MPDZ: variants seen among roughly 807,000 people sequenced by gnomAD.
MPDZ encodes multiple PDZ domain protein.
Under a neutral mutation model 239.1 loss-of-function variants are expected in MPDZ, and 234 were observed. The observed-to-expected ratio is 0.98, with a 90% CI of 0.88 to 1.09. The LOEUF (loss-of-function observed/expected upper bound fraction) is 1.09. Ranked by LOEUF, MPDZ falls within the 50% of genes least tolerant of loss-of-function variation. The pLI, the probability that MPDZ is intolerant of heterozygous loss-of-function variation, is 0.00. For missense variants in MPDZ, 3,175 were observed against 2,510.0 expected (o/e 1.26, Z -5.66); for synonymous variants, 1,048 against 881.3 (o/e 1.19, Z -3.35).
At chr9:13,201,331 CT>C (rs2135486912) in intron 12 of MPDZ, among the ~76,000 whole-genome samples, 1 of 151,646 alleles carries the variant, frequency 6.6e-6, no homozygotes, top group Non-Finnish European at 1.5e-5. Flanking sequence ...TGTGGTGTTT[CT>C]TTTCTCTTGA....
chr9:13,186,148 G>A, intron 18 of MPDZ, 122 bp downstream of exon 18: 1 of 477,508 alleles, frequency 2.1e-6, no homozygotes, highest in Non-Finnish European at 3.5e-6. Flanking sequence ...GAGAAAACAT[G>A]TTTATCTTTC....
intron 23 of MPDZ, among the ~76,000 whole-genome samples, chr9:13,161,919 C>T (rs1295345339): frequency 1.3e-5 from 2 of 152,076 alleles, no homozygotes; most frequent in African/African-American, 4.8e-5. Flanking sequence ...TGCATATATG[C>T]TAACGGGTTC....
intron 39 of MPDZ, among the ~76,000 whole-genome samples, chr9:13,117,901 A>C (rs913657953): frequency 2.0e-5 from 3 of 150,214 alleles, no homozygotes; most frequent in African/African-American, 7.4e-5. Context: ...TTGGACTGCA[A>C]TGATGCGATC....
chr9:13,244,952 G>C (rs1410131236), intron 3 of MPDZ, among the ~76,000 whole-genome samples: 1 of 151,958 alleles, frequency 6.6e-6, no homozygotes, highest in Non-Finnish European at 1.5e-5. Context: ...TCAGAGGGTC[G>C]TATTTTCTAA....
Position 13,123,259 on chromosome 9 carries a change from T to C in MPDZ, c.4847A>G (p.Asp1616Gly). 5 of 1,612,996 alleles carry C rather than the reference T, an allele frequency of 3.1e-6. No homozygotes were observed. Among genetic ancestry groups the C allele is most frequent in the Non-Finnish European group, 2.5e-6 (3 of 1,179,578 alleles). Residue 1616 changes from aspartate (D) to glycine (G), a missense_variant, in exon 36 of 47, where the codon GAT becomes GGT. By Grantham distance (94) the Asp-to-Gly change is moderately conservative (BLOSUM62 -1). Transcript: ENST00000319217. ...AGGGATAATGGGGCAGGTTGCAGGA[T>C]CAGAAGCAAAAATTGCTGGTGTTGA... ...RSSTPAIFAS[D>G]PATCPIIPGC... is the part of the protein sequence containing the mutation.
chr9:13,274,554 A>G (rs1160997991), intron 1 of MPDZ: 1 of 151,950 alleles, frequency 6.6e-6, no homozygotes, highest in African/African-American at 2.4e-5. Context: ...TTAGCTGGCC[A>G]GATTGGGAAG....
intron 41 of MPDZ, among the ~76,000 whole-genome samples, chr9:13,113,727 A>G (rs1243285442): frequency 6.6e-6 from 1 of 152,236 alleles, no homozygotes; most frequent in Non-Finnish European, 1.5e-5. Context: ...TGTTTAGTGT[A>G]TCTTGTAGGG....
intron 40 of MPDZ, among the ~76,000 whole-genome samples, 197 bp downstream of exon 40, chr9:13,115,051 C>G (rs1464845075): frequency 6.6e-6 from 1 of 152,152 alleles, no homozygotes; most frequent in Non-Finnish European, 1.5e-5. Flanking sequence ...GAATGACTTA[C>G]AAACTACTCA....
In MPDZ at chr9:13,150,518, ATTCTATCTCCAGGTTTCAAGG is replaced by A; in HGVS notation, c.3602_3622del (p.Thr1201_Arg1207del). Reference sequence around the variant, plus strand: ...AAGCTCACTAGAGGGTACCTCTACGATTCTATCTCCAGGTTTCAAGGTTCCATTTTTGCCAGCTGGACTATC... The same window carrying A: ...AAGCTCACTAGAGGGTACCTCTACGATTCCATTTTTGCCAGCTGGACTATC... On this transcript the variant is annotated inframe_deletion, in exon 25 of 47. Coordinates refer to ENST00000319217, the MANE Select transcript of MPDZ (RefSeq NM_001378778.1). 1 of 1,561,808 alleles carries A rather than the reference ATTCTATCTCCAGGTTTCAAGG, an allele frequency of 6.4e-7. No individual in the cohort carries two copies. Among genetic ancestry groups the A allele is most frequent in the Non-Finnish European group, 8.7e-7 (1 of 1,152,154 alleles).
At chr9:13,167,967 G>T (rs986448983) in intron 22 of MPDZ, among the ~76,000 whole-genome samples, 1 of 152,028 alleles carries the variant, frequency 6.6e-6, no homozygotes, top group Non-Finnish European at 1.5e-5. Flanking sequence ...GGCCCTTAAA[G>T]AACTGTCTTA....
Position 13,193,241 on chromosome 9 carries a change from A to G in MPDZ, c.1729T>C (p.Phe577Leu), listed in dbSNP as rs1955190214. ...ISLEATVGHH[F>L]IRSVLPEGPV... ...CCCTCTGGTAGAACAGATCGGATAA[A>G]ATGATGTCCCACTGTCGCTTCCAGG... Residue 577 changes from phenylalanine to leucine, a missense_variant, in exon 14 of 47, where the codon TTT (phenylalanine) becomes CTT (leucine). Transcript: ENST00000319217. 1.2e-6 allele frequency: 2 copies of G among 1,612,644 alleles called. No homozygotes were observed. Among genetic ancestry groups the G allele is most frequent in the East Asian group, 4.5e-5 (2 of 44,788 alleles).
Position 13,219,560 on chromosome 9 carries a change from C to G in MPDZ, c.1085G>C (p.Arg362Pro), listed in dbSNP as rs777349702. Residue 362 changes from arginine to proline, a missense_variant and splice_region_variant, in exon 8 of 47, where the codon CGG becomes CCG. Coordinates refer to ENST00000319217, the MANE Select transcript of MPDZ (RefSeq NM_001378778.1). The part of the protein sequence containing the change: ...SSSPTSTPEL[R>P]VDASTQKGEE... ...CATTAACTACTCTTAACTACTTACC[C>G]GCAACTCTGGTGTTGAAGTTGGGGA... 5.6e-5 allele frequency: 90 copies of G among 1,610,948 alleles called. No homozygotes were observed. The highest frequency in any genetic ancestry group is 7.3e-5 in the Non-Finnish European group (86 of 1,178,330).
Position 13,190,229 on chromosome 9 carries a change from G to A in MPDZ, c.2039C>T (p.Ala680Val), listed in dbSNP as rs370396750. The change falls in exon 16 of 47, where the codon GCG (alanine) becomes GTG (valine). Residue 680 changes from alanine to valine, a missense_variant. By Grantham distance (64) the Ala-to-Val change is moderately conservative (BLOSUM62 0). Coordinates refer to ENST00000319217, the MANE Select transcript of MPDZ (RefSeq NM_001378778.1). ...TTGAACCTCTTCTGTACTCTGACCC[G>A]CATCAGTCATCGCCAGCACTGGATC... Reference protein sequence around the residue: ...TEDPVLAMTDAGQSTEEVQAP... With the variant: ...TEDPVLAMTDVGQSTEEVQAP... The A allele has an allele frequency of 2.3e-5, 37 of 1,612,118 alleles. No homozygotes were observed. In the Middle Eastern group the frequency reaches 4.9e-4, roughly 22 times the overall value.
intron 3 of MPDZ, among the ~76,000 whole-genome samples, chr9:13,241,191 G>A (rs1178878870): frequency 6.6e-6 from 1 of 152,088 alleles, no homozygotes; most frequent in African/African-American, 2.4e-5. Flanking sequence ...AAACTTTACG[G>A]TAAATGTAAA....
chr9:13,235,937 C>T (rs1203380622), intron 3 of MPDZ, among the ~76,000 whole-genome samples: 1 of 151,898 alleles, frequency 6.6e-6, no homozygotes, highest in Non-Finnish European at 1.5e-5. Context: ...CAATAACCTA[C>T]CCAGTGTAAC....
At chr9:13,185,797 A>G (rs1954012761) in intron 18 of MPDZ, among the ~76,000 whole-genome samples, 1 of 152,106 alleles carries the variant, frequency 6.6e-6, no homozygotes. Flanking sequence ...GTATTTATAG[A>G]AAACATGGGG....
Position 13,176,391 on chromosome 9 carries a change from TG to T in MPDZ, c.2675del (p.Pro892GlnfsTer30). ...PKDVIENSCDPVLDLHMSLEE... is the reference protein window; with the variant it reads ...PKDVIENSCDXVLDLHMSLEE... ...CCAGAGACATATGCAGATCAAGTACTGGATCACAAGAATTTTCAATAACATC... is the reference window on the plus strand; with the variant it reads ...CCAGAGACATATGCAGATCAAGTACTGATCACAAGAATTTTCAATAACATC... On this transcript the variant is annotated frameshift_variant, in exon 20 of 47. Transcript: ENST00000319217. LOFTEE classifies it high-confidence loss of function. 6.3e-7 allele frequency: 1 copy of T among 1,582,740 alleles called. No homozygotes were observed. The highest frequency in any genetic ancestry group is 1.7e-4 in the Middle Eastern group (1 of 5,932).
chr9:13,184,694 C>T (rs1280764211), intron 18 of MPDZ, among the ~76,000 whole-genome samples: 3 of 151,858 alleles, frequency 2.0e-5, no homozygotes, highest in Non-Finnish European at 4.4e-5. Flanking sequence ...TCATAGATTA[C>T]AATACATATT....
At chr9:13,199,383 C>G (rs377710630) in intron 12 of MPDZ, among the ~76,000 whole-genome samples, 3 of 151,844 alleles carry the variant, frequency 2.0e-5, no homozygotes, top group Non-Finnish European at 2.9e-5. Context: ...ATTCATGTAT[C>G]AGTTCTAACC....
Sources: allele counts gnomAD v4.1 joint callset (sites outside exome capture counted in the v4.1 genomes callset), GRCh38; gene constraint gnomAD v4.1.1; transcripts MANE v1.5; gene names NCBI Gene and HGNC (gene_info 2026-07-23, HGNC 2026-07-21).